The following C8B variants were observed in gnomAD, a reference collection of about 807,000 sequenced individuals.
C8B encodes complement C8 beta chain.
In C8B, 67 loss-of-function variants were observed where a neutral mutation model predicts 64.6. That is an observed-to-expected ratio of 1.04 (90% CI 0.85 to 1.27). C8B has a LOEUF of 1.27. Ranked by LOEUF, C8B falls within the 50% of genes most tolerant of loss-of-function variation. The probability of loss-of-function intolerance (pLI) is 0.00; values close to 1 mark genes in which losing one functional copy is unlikely to be tolerated. For missense variants in C8B, 790 were observed against 725.2 expected (o/e 1.09, Z -1.03); for synonymous variants, 284 against 257.7 (o/e 1.10, Z -0.98).
chr1:56,946,837 G>A (rs1307309914), intron 6 of C8B, among the ~76,000 whole-genome samples: 1 of 152,162 alleles, frequency 6.6e-6, no homozygotes, highest in Non-Finnish European at 1.5e-5. Flanking sequence ...GGTGGCAAAC[G>A]CCTGTGAGAT....
intron 7 of C8B, among the ~76,000 whole-genome samples, chr1:56,944,425 G>T (rs1237721235): frequency 6.6e-6 from 1 of 152,126 alleles, no homozygotes; most frequent in Non-Finnish European, 1.5e-5. Flanking sequence ...GCACTCTGAG[G>T]CCAGTTCAGG....
At chr1:56,943,908 C>T (rs1401709093) in intron 7 of C8B, 84 bp from the exon 8 acceptor site, 9 of 1,516,386 alleles carry the variant, frequency 5.9e-6, no homozygotes, top group Middle Eastern at 3.4e-4. Flanking sequence ...AGAGGCCTAG[C>T]CCTGTTGAAT....
At chr1:56,944,604 T>C (rs1644914617) in intron 7 of C8B, among the ~76,000 whole-genome samples, 1 of 152,168 alleles carries the variant, frequency 6.6e-6, no homozygotes, top group African/African-American at 2.4e-5. Context: ...TCAAAATAGG[T>C]GGAGAGGTCA....
rs144586148 is a variant in C8B at position 56,960,105 on chromosome 1, C to T, written c.164G>A (p.Ser55Asn). 292 of 1,614,064 alleles carry T rather than the reference C, an allele frequency of 1.8e-4. 1 individual carries two copies. The highest frequency in any genetic ancestry group is 2.4e-4 in the Non-Finnish European group (283 of 1,180,036). The change falls in exon 2 of 12, where the codon AGT becomes AAT. Residue 55 changes from serine to asparagine, a missense_variant. Transcript: ENST00000371237. ...KSFAKSRQMR[S>N]VDVTLMPIDC... ...AATGGGCATCAGGGTAACATCCACA[C>T]TCCGCATCTGTCTGCTCTTAGCAAA...
intron 1 of C8B, chr1:56,963,963 ATTC>A (rs1478424684): frequency 5.8e-5 from 57 of 985,242 alleles, no homozygotes; most frequent in Non-Finnish European, 6.6e-5. Flanking sequence ...ACCAAAGACT[ATTC>A]TTCTACTCGC....
intron 9 of C8B, among the ~76,000 whole-genome samples, chr1:56,935,100 C>T (rs1055429327): frequency 2.6e-5 from 4 of 152,150 alleles, no homozygotes; most frequent in African/African-American, 4.8e-5. Context: ...ATCAAGATCA[C>T]GCAATTCATA....
intron 8 of C8B, among the ~76,000 whole-genome samples, chr1:56,942,965 A>G (rs1033581990): frequency 6.6e-6 from 1 of 151,762 alleles, no homozygotes; most frequent in Non-Finnish European, 1.5e-5. Context: ...GCATGGTGGC[A>G]TGCACCGGTA....
Position 56,960,019 on chromosome 1 carries a change from C to G in C8B, c.249+1G>C, listed in dbSNP as rs767687743. ...GAGCTGTCCCAGGCCTGGTTGCTTA[C>G]CCTTTTCTTCTGACAGGGGTCACAT... On this transcript the variant is annotated splice_donor_variant, in intron 2 of 11. Coordinates refer to ENST00000371237, the MANE Select transcript of C8B (RefSeq NM_000066.4). LOFTEE classifies it high-confidence loss of function. 4 of 1,614,124 alleles carry G rather than the reference C, an allele frequency of 2.5e-6. No individual in the cohort carries two copies. Among genetic ancestry groups the G allele is most frequent in the Non-Finnish European group, 3.4e-6 (4 of 1,179,988 alleles).
intron 5 of C8B, 63 bp downstream of exon 5, chr1:56,951,985 A>G (rs1645026549): frequency 6.2e-7 from 1 of 1,606,308 alleles, no homozygotes; most frequent in Non-Finnish European, 8.5e-7. Flanking sequence ...AGGCCGGACC[A>G]TGGACCCTGC....
In C8B at chr1:56,943,802, A is replaced by G. The variant is rs762957153; in HGVS notation, c.1128T>C (p.His376=). The G allele has an allele frequency of 3.1e-6, 5 of 1,614,124 alleles. No individual in the cohort carries two copies. Among genetic ancestry groups the G allele is most frequent in the Non-Finnish European group, 2.5e-6 (3 of 1,179,986 alleles). Residue 376 remains histidine (H), a synonymous_variant, in exon 8 of 12, where the codon CAT becomes CAC. Coordinates refer to ENST00000371237, the MANE Select transcript of C8B (RefSeq NM_000066.4). The part of the protein sequence containing the change: ...ERGDYTLNNV[H]ACAKNDFKIG... ...TTTTAAAATCATTTTTGGCACAGGC[A>G]TGGACGTTGTTAAGAGTATAATCTG...
At chr1:56,951,683 A>G (rs542131419) in intron 5 of C8B, among the ~76,000 whole-genome samples, 15 of 152,324 alleles carry the variant, frequency 9.8e-5, no homozygotes, top group South Asian at 4.1e-4. Flanking sequence ...CCTGCAGGGT[A>G]GGACCTCTAT....
At chr1:56,943,845 G>A (rs1644902182) in intron 7 of C8B, 21 bp from the exon 8 acceptor site, 10 of 1,613,332 alleles carry the variant, frequency 6.2e-6, no homozygotes, top group Non-Finnish European at 8.5e-6. Context: ...CAAGGAAAAA[G>A]GTCCATGACG....
intron 1 of C8B, among the ~76,000 whole-genome samples, chr1:56,961,422 A>G (rs1356727658): frequency 1.3e-5 from 2 of 152,196 alleles, no homozygotes; most frequent in South Asian, 2.1e-4. Context: ...CCACCTGGGC[A>G]GATGAGGGAA....
In C8B at chr1:56,956,737, C is replaced by T. The variant is rs752741094; in HGVS notation, c.391+32G>A. ...TCAAGAACCATTACCTCATTTCAGG[C>T]TTTCCCCTCTTACTCCTACATTGAT... On this transcript the variant is annotated intron_variant, in intron 3 of 11. Transcript: ENST00000371237. The T allele has an allele frequency of 1.1e-5, 18 of 1,611,526 alleles. 1 individual carries two copies. The highest frequency in any genetic ancestry group is 1.4e-5 in the Non-Finnish European group (16 of 1,178,584).
chr1:56,941,494 GTAGA>G (rs10588456), intron 8 of C8B, among the ~76,000 whole-genome samples: 4,579 of 145,956 alleles, frequency 0.031, 190 homozygotes, highest in African/African-American at 0.099. Context: ...GTAGATAATA[GTAGA>G]TAGATAGATA....
At chr1:56,962,378 A>C (rs1373077103) in intron 1 of C8B, among the ~76,000 whole-genome samples, 2 of 152,244 alleles carry the variant, frequency 1.3e-5, no homozygotes, top group Non-Finnish European at 2.9e-5. Flanking sequence ...TCTGAAAGAA[A>C]GGCTAGGATT....
At chr1:56,957,666 C>G (rs1003226039) in intron 2 of C8B, among the ~76,000 whole-genome samples, 2 of 152,158 alleles carry the variant, frequency 1.3e-5, no homozygotes, top group African/African-American at 4.8e-5. Context: ...GATTGAGCCA[C>G]CCAGTGTTGA....
At position 56,949,548 on chromosome 1, in the gene C8B, T is replaced by G; in HGVS notation, c.864+7A>C. ...TATACGTTTAAAAGCAACAAAGACA[T>G]ACTTACAGTATGAGAGAATCGTTTG... On this transcript the variant is annotated splice_region_variant and intron_variant, in intron 6 of 11. Transcript: ENST00000371237. 6.2e-7 allele frequency: 1 copy of G among 1,611,812 alleles called. No individual in the cohort carries two copies.
At chr1:56,949,482 T>A (rs1644988783) in intron 6 of C8B, 73 bp downstream of exon 6, 1 of 1,274,092 alleles carries the variant, frequency 7.8e-7, no homozygotes, top group Admixed American at 1.7e-5. Context: ...ATCCATTCTG[T>A]GGTGTTTTGT....
Sources: allele counts gnomAD v4.1 joint callset (sites outside exome capture counted in the v4.1 genomes callset), GRCh38; gene constraint gnomAD v4.1.1; transcripts MANE v1.5; gene names NCBI Gene and HGNC (gene_info 2026-07-23, HGNC 2026-07-21).